Variants in KIF13B observed in about 807,000 individuals in gnomAD.
KIF13B encodes the protein kinesin family member 13B.
In KIF13B, 127 loss-of-function variants were observed where a neutral mutation model predicts 222.0. The observed-to-expected ratio is 0.57, with a 90% confidence interval of 0.50 to 0.66. KIF13B has a LOEUF of 0.66. KIF13B is among the 30% of genes least tolerant of loss of function. The pLI is 0.00. For missense variants in KIF13B, 2,173 were observed against 2,379.0 expected, an observed-to-expected ratio of 0.91 and a Z score of 1.80; for synonymous variants, 976 against 919.0, an observed-to-expected ratio of 1.06 and a Z score of -1.12.
chr8:29,087,530 T>C (rs919182047), intron 37 of KIF13B, among the ~76,000 whole-genome samples: 1 of 152,172 alleles, frequency 6.6e-6, no homozygotes, highest in South Asian at 2.1e-4. Context: ...AGTAGTACAG[T>C]GACAAGAGTA....
Position 29,072,057 on chromosome 8 carries a change from G to C in KIF13B, c.4781C>G (p.Ser1594Cys), listed in dbSNP as rs1251132177. The C allele has an allele frequency of 1.0e-5, 13 of 1,305,076 alleles. No homozygotes were observed. The South Asian group carries it at 2.7e-4, about 27-fold the overall frequency. The allele number at this position is 1,305,076 out of a possible 1,614,324, so 80.8% of individuals were successfully genotyped here. Residue 1594 changes from serine to cysteine, a missense_variant, in exon 39 of 40, where the codon TCC becomes TGC. By Grantham distance (112) the Ser-to-Cys change is moderately radical. Transcript: ENST00000524189. Reference sequence around the variant, plus strand: ...CTCGGCCTCAGGGGCGGTGGGCATGGACCCCGGCGGGGCCGCAGCGTCCAG... The same window carrying C: ...CTCGGCCTCAGGGGCGGTGGGCATGCACCCCGGCGGGGCCGCAGCGTCCAG... ...PGLDAAAPPG[S>C]MPTAPEAEPE...
rs2129982007 is a variant in KIF13B at position 29,146,511 on chromosome 8, C to T, written c.2054G>A (p.Arg685Lys). Residue 685 changes from arginine (R) to lysine (K), a missense_variant, in exon 18 of 40, where the codon AGG becomes AAG. Arg to Lys is a conservative substitution (Grantham distance 26). Coordinates refer to ENST00000524189, the MANE Select transcript of KIF13B (RefSeq NM_015254.4). The part of the protein sequence containing the change: ...REATLNNSLM[R>K]LREQIVKANL... Reference sequence around the variant, plus strand: ...GGCCTTAACAATTTGTTCCCTCAGCCTCATCAGGCTGTTATTCAACGTTGC... The same window carrying T: ...GGCCTTAACAATTTGTTCCCTCAGCTTCATCAGGCTGTTATTCAACGTTGC... 3 of 1,613,826 alleles carry T rather than the reference C, an allele frequency of 1.9e-6. No homozygotes were observed. Among genetic ancestry groups the T allele is most frequent in the Non-Finnish European group, 1.7e-6 (2 of 1,179,838 alleles).
intron 10 of KIF13B, among the ~76,000 whole-genome samples, chr8:29,168,583 G>A (rs1013584290): frequency 1.3e-5 from 2 of 152,190 alleles, no homozygotes; most frequent in East Asian, 1.9e-4. Context: ...TCACTCTGGG[G>A]GAAACGGGCT....
intron 2 of KIF13B, among the ~76,000 whole-genome samples, chr8:29,224,358 G>A (rs1814917359): frequency 6.6e-6 from 1 of 152,168 alleles, no homozygotes; most frequent in Non-Finnish European, 1.5e-5. Flanking sequence ...AATAAAAGAA[G>A]AGAGTATATA....
chr8:29,227,212 CAA>C (rs1332199622), intron 2 of KIF13B, among the ~76,000 whole-genome samples: 2 of 151,824 alleles, frequency 1.3e-5, no homozygotes, highest in African/African-American at 4.9e-5. Context: ...ATCCTCATCT[CAA>C]GTTATGAAAT....
chr8:29,191,185 T>C (rs761122866), intron 3 of KIF13B, 128 bp from the exon 4 acceptor site: 2 of 672,904 alleles, frequency 3.0e-6, no homozygotes, highest in East Asian at 2.6e-5. Context: ...TAATTATGTA[T>C]GTAGAGGCTT....
intron 35 of KIF13B, among the ~76,000 whole-genome samples, chr8:29,101,272 GC>G (rs1473211583): frequency 6.6e-6 from 1 of 152,114 alleles, no homozygotes; most frequent in Non-Finnish European, 1.5e-5. Flanking sequence ...AGGAAGAAAA[GC>G]CACCTGCTTT....
chr8:29,074,277 G>A (rs1222436160), intron 38 of KIF13B, among the ~76,000 whole-genome samples: 1 of 152,200 alleles, frequency 6.6e-6, no homozygotes, highest in Non-Finnish European at 1.5e-5. Flanking sequence ...GCCTCCAGAG[G>A]GGAAAGCCCT....
chr8:29,076,556 G>A (rs895014170), intron 37 of KIF13B, among the ~76,000 whole-genome samples: 5 of 152,206 alleles, frequency 3.3e-5, no homozygotes, highest in Non-Finnish European at 5.9e-5. Context: ...TCCTACTGGG[G>A]AGCCTGGACT....
intron 10 of KIF13B, among the ~76,000 whole-genome samples, chr8:29,171,675 C>CG (rs1259472256): frequency 1.6e-4 from 20 of 121,328 alleles, no homozygotes; most frequent in African/African-American, 6.8e-4. Context: ...ACATGTTTTG[C>CG]GAAAAAAAAA....
chr8:29,177,413 CT>C (rs1812527229), intron 9 of KIF13B, 52 bp downstream of exon 9: 1 of 1,147,136 alleles, frequency 8.7e-7, no homozygotes, highest in African/African-American at 1.5e-5. Flanking sequence ...AGATGTTCCC[CT>C]ATTGGCTATT....
chr8:29,220,358 G>A (rs532076118), intron 2 of KIF13B, among the ~76,000 whole-genome samples: 2 of 152,220 alleles, frequency 1.3e-5, no homozygotes, highest in South Asian at 2.1e-4. Context: ...AGCAGGTCTT[G>A]CCAGTGCTCA....
At chr8:29,197,119 C>T (rs1274330219) in intron 2 of KIF13B, among the ~76,000 whole-genome samples, 3 of 151,758 alleles carry the variant, frequency 2.0e-5, no homozygotes, top group Admixed American at 6.6e-5. Context: ...GGGCGGATCA[C>T]GAGGTCAGGA....
intron 2 of KIF13B, among the ~76,000 whole-genome samples, chr8:29,236,660 T>A (rs1815522275): frequency 6.6e-6 from 1 of 152,124 alleles, no homozygotes; most frequent in African/African-American, 2.4e-5. Flanking sequence ...TAATTAAAAG[T>A]ATATATAAAT....
intron 17 of KIF13B, among the ~76,000 whole-genome samples, chr8:29,147,083 TCATCTACC>T (rs1811090797): frequency 6.6e-6 from 1 of 152,174 alleles, no homozygotes; most frequent in African/African-American, 2.4e-5. Context: ...TTTCTAAAAA[TCATCTACC>T]CAAGCTTCAG....
At chr8:29,168,291 T>A (rs1290874565) in intron 10 of KIF13B, among the ~76,000 whole-genome samples, 1 of 152,186 alleles carries the variant, frequency 6.6e-6, no homozygotes, top group Non-Finnish European at 1.5e-5. Flanking sequence ...ACCGACTGGC[T>A]TCCAACAGAA....
intron 5 of KIF13B, among the ~76,000 whole-genome samples, chr8:29,187,409 T>C (rs1424097784): frequency 6.6e-6 from 1 of 152,034 alleles, no homozygotes; most frequent in Non-Finnish European, 1.5e-5. Context: ...CAGGCACCTG[T>C]AGTGCCAGCT....
chr8:29,214,285 ACAGT>A (rs3072693), intron 2 of KIF13B, among the ~76,000 whole-genome samples: 7,410 of 152,294 alleles, frequency 0.049, 393 homozygotes, highest in African/African-American at 0.13. Flanking sequence ...TCTTGTAATA[ACAGT>A]CAGGTTAAAA....
chr8:29,107,398 T>G (rs566363036), intron 35 of KIF13B, among the ~76,000 whole-genome samples: 2 of 151,780 alleles, frequency 1.3e-5, no homozygotes, highest in African/African-American at 4.8e-5. Context: ...TGTGGTGGCA[T>G]GCACCTGTAA....
Sources: allele counts gnomAD v4.1 joint callset (sites outside exome capture counted in the v4.1 genomes callset), GRCh38; gene constraint gnomAD v4.1.1; transcripts MANE v1.5; gene names NCBI Gene and HGNC (gene_info 2026-07-23, HGNC 2026-07-21).